Variants in PLOD1 observed in about 807,000 individuals in gnomAD.
PLOD1 encodes lysine hydroxylase.
Under a neutral mutation model 94.7 loss-of-function variants are expected in PLOD1, and 70 were observed. That is an observed-to-expected ratio of 0.74 (90% CI 0.61 to 0.90). The LOEUF (loss-of-function observed/expected upper bound fraction) is 0.90. Ranked by LOEUF, PLOD1 falls within the 40% of genes least tolerant of loss-of-function variation. The pLI, the probability that PLOD1 is intolerant of heterozygous loss-of-function variation, is 0.00. For missense variants in PLOD1, 905 were observed against 972.7 expected (o/e 0.93, Z 0.93); for synonymous variants, 417 against 400.2 (o/e 1.04, Z -0.50).
At chr1:11,968,880 C>T (rs1366430479) in intron 16 of PLOD1, among the ~76,000 whole-genome samples, 2 of 148,536 alleles carry the variant, frequency 1.3e-5, no homozygotes, top group Non-Finnish European at 3.0e-5. Context: ...CTCGCTCTGT[C>T]GCCCAGGCTG....
intron 1 of PLOD1, among the ~76,000 whole-genome samples, chr1:11,939,211 T>C (rs1645599224): frequency 6.6e-6 from 1 of 151,652 alleles, no homozygotes; most frequent in Non-Finnish European, 1.5e-5. Context: ...CTGCACTGGA[T>C]GGTGTGGGGG....
rs749607584 is a variant in PLOD1, at chr1:11,949,911, G to A, written c.302+5G>A. 59 of 1,613,832 alleles carry A rather than the reference G, an allele frequency of 3.7e-5. No homozygotes were observed. Among genetic ancestry groups the A allele is most frequent in the Middle Eastern group, 3.3e-4 (2 of 6,084 alleles). On this transcript the variant is annotated splice_donor_5th_base_variant and intron_variant, in intron 3 of 18. Coordinates refer to ENST00000196061, the MANE Select transcript of PLOD1 (RefSeq NM_000302.4). ...GGTCATTCTCTTCGCAGACAGGTAG[G>A]TGGGTCAGGGCTTCCTAGCCTGGGC...
chr1:11,955,518 G>A (rs1569700988), intron 6 of PLOD1, among the ~76,000 whole-genome samples: 1 of 152,152 alleles, frequency 6.6e-6, no homozygotes, highest in African/African-American at 2.4e-5. Context: ...TGAAAGCTAC[G>A]GCTCTGCTCC....
chr1:11,947,932 C>T (rs758612717), intron 1 of PLOD1, 44 bp from the exon 2 acceptor site: 5 of 1,268,484 alleles, frequency 3.9e-6, no homozygotes, highest in Non-Finnish European at 5.8e-6. Context: ...CTGTCACCTC[C>T]CTCATCCTCC....
Position 11,972,765 on chromosome 1 carries a change from C to G in PLOD1, c.1903-107C>G. ...CCCATGTAGACCTGGCCCCTGTAAG[C>G]TGACCTGCAGCAGGCCAGACCAGGC... On this transcript the variant is annotated intron_variant, in intron 17 of 18. Transcript: ENST00000196061. The surrounding 1 kb of genome is among the most constrained non-coding windows in gnomAD (Gnocchi z 4.6). 7.8e-7 allele frequency: 1 copy of G among 1,285,654 alleles called. No individual in the cohort carries two copies. Among genetic ancestry groups the G allele is most frequent in the African/African-American group, 1.5e-5 (1 of 68,492 alleles). 79.6% of individuals were successfully genotyped at this position (1,285,654 alleles called of 1,614,324 possible). A position where few individuals can be genotyped will look rare whatever the true frequency, so the allele number is the denominator to read the frequency against.
In PLOD1 at chr1:11,970,691, T is replaced by C. The variant is rs1449279157; in HGVS notation, c.1777T>C (p.Tyr593His). ...CCAGGACAACCGCATCCAGGGTGGC[T>C]ACGAGAACGTGCCGACTATTGACAT... Reference protein sequence around the residue: ...NNKDNRIQGGYENVPTIDIHM... With the variant: ...NNKDNRIQGGHENVPTIDIHM... Residue 593 changes from tyrosine (Y) to histidine (H), a missense_variant, in exon 17 of 19, where the codon TAC becomes CAC. By Grantham distance (83) the Tyr-to-His change is moderately conservative (BLOSUM62 2). Transcript: ENST00000196061. The C allele has an allele frequency of 6.2e-7, 1 of 1,613,224 alleles. No homozygotes were observed. Among genetic ancestry groups the C allele is most frequent in the East Asian group, 2.2e-5 (1 of 44,726 alleles).
chr1:11,953,492 G>T (rs966774281), intron 5 of PLOD1, among the ~76,000 whole-genome samples: 3 of 151,612 alleles, frequency 2.0e-5, no homozygotes, highest in Non-Finnish European at 4.4e-5. Context: ...TGTTTTTTCC[G>T]TTATGAAATG....
In PLOD1 at chr1:11,972,597, C is replaced by G. The variant is rs114349302; in HGVS notation, c.1903-275C>G. The G allele has an allele frequency of 0.011, 4,804 of 432,026 alleles. 115 individuals carry two copies. The highest frequency in any genetic ancestry group is 0.06 in the African/African-American group (3,004 of 49,926). The allele number at this position is 432,026 out of a possible 1,614,324, so 26.8% of individuals were successfully genotyped here. A position where few individuals can be genotyped will look rare whatever the true frequency, so the allele number is the denominator to read the frequency against. On this transcript the variant is annotated intron_variant, in intron 17 of 18. Transcript: ENST00000196061. The surrounding 1 kb of genome is among the most constrained non-coding windows in gnomAD (Gnocchi z 4.6). ...TCTTCCCTTTCATTTCTTCTCTTCC[C>G]TTTTCCTCCCTTCCTCCCTCCCTCC... is the stretch of plus-strand genomic sequence containing the variant.
chr1:11,969,224 G>A (rs1311254785), intron 16 of PLOD1, among the ~76,000 whole-genome samples: 3 of 151,144 alleles, frequency 2.0e-5, no homozygotes, highest in East Asian at 2.0e-4. Context: ...CCTGACCTCC[G>A]GTGATCCACC....
intron 16 of PLOD1, among the ~76,000 whole-genome samples, chr1:11,967,620 G>T (rs1188215492): frequency 0.011 from 779 of 68,646 alleles, 45 homozygotes; most frequent in African/African-American, 0.042. Context: ...TATATAAAAA[G>T]AAATATATAT....
chr1:11,958,161 T>C lies in PLOD1; in HGVS notation c.843+218T>C, dbSNP rs371083581. On this transcript the variant is annotated intron_variant, in intron 8 of 18. Transcript: ENST00000196061. This position sits in a 1 kb window ranked among gnomAD's most constrained non-coding sequence, Gnocchi z 4.3. ...AGCTTCCCCCGAGATGTCCAGGTTC[T>C]GGTTTCTTCTGCCTGGTCCTTCAGG... is the stretch of plus-strand genomic sequence containing the variant. 7.0e-4 allele frequency among the ~76,000 whole-genome samples: 107 copies of C among 152,094 alleles called. 1 individual carries two copies. The highest frequency in any genetic ancestry group is 4.4e-3 in the South Asian group (21 of 4,806).
rs1569746598 is a variant in PLOD1 at position 11,974,941 on chromosome 1, CCAAT to C, written c.*137_*140del. 3.5e-6 allele frequency: 3 copies of C among 869,336 alleles called. No homozygotes were observed. Among genetic ancestry groups the C allele is most frequent in the African/African-American group, 1.7e-5 (1 of 60,402 alleles). 53.9% of individuals were successfully genotyped at this position (869,336 alleles called of 1,614,324 possible). ...TGACTTCCCATTGCTCTTGGAGCCA[CCAAT>C]CAAAGAGATTCAAAGAGATTCCTGC... On this transcript the variant is annotated 3_prime_UTR_variant, in exon 19 of 19. Transcript: ENST00000196061.
At chr1:11,954,102 G>A (rs1645721279) in intron 5 of PLOD1, among the ~76,000 whole-genome samples, 1 of 150,744 alleles carries the variant, frequency 6.6e-6, no homozygotes, top group African/African-American at 2.4e-5. Context: ...CTGGGCTCAA[G>A]TGATCCTTCT....
chr1:11,967,397 G>A (rs2100761176), intron 16 of PLOD1, among the ~76,000 whole-genome samples: 1 of 151,546 alleles, frequency 6.6e-6, no homozygotes, highest in South Asian at 2.1e-4. Context: ...CTTCCCCCAG[G>A]TGGAGCTGGG....
intron 5 of PLOD1, among the ~76,000 whole-genome samples, chr1:11,953,715 C>A (rs1169394096): frequency 6.6e-6 from 1 of 151,432 alleles, no homozygotes; most frequent in Non-Finnish European, 1.5e-5. Flanking sequence ...TTGCTTGGAC[C>A]TGGGAGGCGG....
intron 6 of PLOD1, among the ~76,000 whole-genome samples, chr1:11,955,513 G>A (rs1176731065): frequency 6.6e-6 from 1 of 152,212 alleles, no homozygotes; most frequent in Non-Finnish European, 1.5e-5. Context: ...TCTGATGAAA[G>A]CTACGGCTCT....
chr1:11,964,226 C>T lies in PLOD1; in HGVS notation c.1254C>T (p.Phe418=). The T allele has an allele frequency of 5.4e-6, 8 of 1,475,374 alleles. No individual in the cohort carries two copies. The highest frequency in any genetic ancestry group is 1.4e-5 in the African/African-American group (1 of 69,894). 91.4% of individuals were successfully genotyped at this position (1,475,374 alleles called of 1,614,324 possible). A position where few individuals can be genotyped will look rare whatever the true frequency, so the allele number is the denominator to read the frequency against. Residue 418 remains phenylalanine, a synonymous_variant, in exon 12 of 19, where the codon TTC becomes TTT. Transcript: ENST00000196061. ...MTRHGRLWSN[F]WGALSADGYY... is the part of the protein sequence containing the mutation. Reference sequence around the variant, plus strand: ...GGCATGGGAGGCTGTGGTCGAACTTCTGGGGGGCTCTCAGTGCAGATGGCT... The same window carrying T: ...GGCATGGGAGGCTGTGGTCGAACTTTTGGGGGGCTCTCAGTGCAGATGGCT...
At chr1:11,949,707 A>T in intron 2 of PLOD1, 66 bp from the exon 3 acceptor site, 1 of 1,556,992 alleles carries the variant, frequency 6.4e-7, no homozygotes, top group Non-Finnish European at 8.8e-7. Context: ...AGCATGAGCC[A>T]CCACGGCCAG....
chr1:11,957,048 G>A lies in PLOD1; in HGVS notation c.741+34G>A, dbSNP rs1645743970. ...TCCCCAGCCCCTGGGGAGTGTGGGA[G>A]GGGGCCAGAGCCCTAATTTCATTCT... is the stretch of plus-strand genomic sequence containing the variant. On this transcript the variant is annotated intron_variant, in intron 7 of 18. Transcript: ENST00000196061. This position sits in a 1 kb window ranked among gnomAD's most constrained non-coding sequence, Gnocchi z 4.1. The A allele has an allele frequency of 2.9e-6, 4 of 1,358,800 alleles. No homozygotes were observed. Among genetic ancestry groups the A allele is most frequent in the Non-Finnish European group, 3.2e-6 (3 of 946,808 alleles). The allele number at this position is 1,358,800 out of a possible 1,614,324, so 84.2% of individuals were successfully genotyped here. A position where few individuals can be genotyped will look rare whatever the true frequency, so the allele number is the denominator to read the frequency against.
Sources: allele counts gnomAD v4.1 joint callset (sites outside exome capture counted in the v4.1 genomes callset), GRCh38; gene constraint gnomAD v4.1.1; non-coding constraint Gnocchi (gnomAD v3.1); transcripts MANE v1.5; gene names NCBI Gene and HGNC (gene_info 2026-07-23, HGNC 2026-07-21).